SNHG17: variants seen among roughly 807,000 people sequenced by gnomAD.
SNHG17 encodes the protein small nucleolar RNA host gene 17 (non-protein coding).
At chr20:38,426,259 C>G (rs1007879631) in intron 4 of SNHG17, among the ~76,000 whole-genome samples, 3 of 152,054 alleles carry the variant, frequency 2.0e-5, no homozygotes, top group Non-Finnish European at 4.4e-5. Context: ...AGTGGAGTCG[C>G]AGAGTTCGAG....
intron 3 of SNHG17, among the ~76,000 whole-genome samples, chr20:38,430,040 G>A (rs891019391): frequency 6.6e-6 from 1 of 152,242 alleles, no homozygotes; most frequent in East Asian, 1.9e-4. Context: ...GGGCTGGCCG[G>A]GTGCAGTGGC....
intron 3 of SNHG17, chr20:38,429,734 C>T (rs777876803): frequency 1.9e-6 from 1 of 514,966 alleles, no homozygotes; most frequent in South Asian, 1.4e-5. Context: ...GAAGTGCTCT[C>T]GGCAGTTCCT....
At chr20:38,432,027 C>T in intron 2 of SNHG17, 1 of 985,412 alleles carries the variant, frequency 1.0e-6, no homozygotes, top group Non-Finnish European at 1.2e-6. Flanking sequence ...TGCTTCCTGG[C>T]AGGGTGGAGA....
chr20:38,434,816 G>A (rs2084404356), intron 1 of SNHG17: 7 of 982,088 alleles, frequency 7.1e-6, no homozygotes, highest in Non-Finnish European at 7.3e-6. Context: ...TCTCAAGGAC[G>A]TGGCACAATG....
At chr20:38,426,995 T>TAC (rs765781057) in intron 3 of SNHG17, among the ~76,000 whole-genome samples, 23,721 of 125,452 alleles carry the variant, frequency 0.19, 2,450 homozygotes, top group African/African-American at 0.2. Flanking sequence ...AAGTTACACA[T>TAC]ACACACACAC....
At chr20:38,424,625 C>T (rs1465022886) in intron 5 of SNHG17, among the ~76,000 whole-genome samples, 1 of 152,190 alleles carries the variant, frequency 6.6e-6, no homozygotes, top group Non-Finnish European at 1.5e-5. Flanking sequence ...AGAGGCACTG[C>T]CCTGAGGAAG....
At position 38,432,013 on chromosome 20, in the gene SNHG17, C is replaced by T. The variant is rs1404153237; in HGVS notation, n.309-901G>A. The T allele has an allele frequency of 4.1e-6, 4 of 985,284 alleles. No homozygotes were observed. In the Admixed American group the frequency reaches 1.8e-4, roughly 45 times the overall value. The allele number at this position is 985,284 out of a possible 1,614,324, so 61.0% of individuals were successfully genotyped here. ...ACAGACCTCATAGAACACCATGGTC[C>T]ACCTGCTTCCTGGCAGGGTGGAGAT... On this transcript the variant is annotated intron_variant and non_coding_transcript_variant, in intron 2 of 8. Coordinates refer to ENST00000654008, the Ensembl canonical transcript of SNHG17.
intron 2 of SNHG17, chr20:38,433,933 G>T (rs763821724): frequency 1.9e-6 from 1 of 519,184 alleles, no homozygotes; most frequent in African/African-American, 1.9e-5. Context: ...CACTTTCCGC[G>T]ATTTCTCTCC....
chr20:38,429,570 G>A (rs2084305798), intron 3 of SNHG17: 1 of 371,490 alleles, frequency 2.7e-6, no homozygotes, highest in Non-Finnish European at 5.2e-6. Context: ...CTTCCCTCAT[G>A]TCTCACAATA....
At chr20:38,421,217 CA>C (rs1424652782) in intron 6 of SNHG17, 3 of 152,170 alleles carry the variant, frequency 2.0e-5, no homozygotes, top group Non-Finnish European at 4.4e-5. Context: ...TCACGCACAC[CA>C]AATAAAAAAT....
At chr20:38,434,646 G>C in intron 1 of SNHG17, 1 of 180,570 alleles carries the variant, frequency 5.5e-6, no homozygotes, top group Non-Finnish European at 1.1e-5. Context: ...GAAAAAGCAC[G>C]GGGAGGGGGC....
At chr20:38,424,888 C>T (rs1035312783) in intron 5 of SNHG17, among the ~76,000 whole-genome samples, 4 of 152,192 alleles carry the variant, frequency 2.6e-5, no homozygotes, top group Non-Finnish European at 5.9e-5. Context: ...ATGAACCATA[C>T]AGCACCAGTG....
chr20:38,434,260 G>T, intron 2 of SNHG17, among the ~76,000 whole-genome samples: 1 of 152,218 alleles, frequency 6.6e-6, no homozygotes, highest in East Asian at 1.9e-4. Flanking sequence ...AACAGCCAAG[G>T]CCTCTGCCCT....
intron 1 of SNHG17, chr20:38,434,684 C>A: frequency 3.8e-6 from 1 of 260,380 alleles, no homozygotes; most frequent in Non-Finnish European, 6.0e-6. Flanking sequence ...GGACAGAAGT[C>A]CAGACTCTGC....
chr20:38,434,126 A>T, intron 2 of SNHG17: 1 of 415,776 alleles, frequency 2.4e-6, no homozygotes, highest in Non-Finnish European at 4.7e-6. Flanking sequence ...GGCAGATTCC[A>T]TCTGTCCCCA....
chr20:38,435,086 C>T, intron 1 of SNHG17: 1 of 1,232,108 alleles, frequency 8.1e-7, no homozygotes. Context: ...GCAAAGAGGA[C>T]GAGACACTGC....
At position 38,422,984 on chromosome 20, in the gene SNHG17, C is replaced by T. The variant is rs192439330; in HGVS notation, n.580-743G>A. ...GCATGCACCTGTAACCCCAGCTACT[C>T]GGGAGGCTGAGGCAGGAGAATCACT... On this transcript the variant is annotated intron_variant and non_coding_transcript_variant, in intron 5 of 8. Coordinates refer to ENST00000654008, the Ensembl canonical transcript of SNHG17. 1.3e-4 allele frequency among the ~76,000 whole-genome samples: 20 copies of T among 151,678 alleles called. No individual in the cohort carries two copies. The East Asian group carries it at 3.3e-3, about 25-fold the overall frequency.
At chr20:38,432,980 G>GT (rs1430554017) in intron 2 of SNHG17, among the ~76,000 whole-genome samples, 3 of 151,892 alleles carry the variant, frequency 2.0e-5, no homozygotes, top group Non-Finnish European at 2.9e-5. Flanking sequence ...CCTGTTTTTT[G>GT]TTTTTTGTTA....
chr20:38,423,218 G>A (rs117331344), intron 5 of SNHG17, among the ~76,000 whole-genome samples: 2,809 of 151,258 alleles, frequency 0.019, 38 homozygotes, highest in South Asian at 0.059. Context: ...GCAACATCGC[G>A]AAACCCCATC....
Sources: gnomAD v4.1 joint callset for allele counts (sites outside exome capture counted in the v4.1 genomes callset) on GRCh38, gnomAD v4.1.1 for gene constraint, MANE v1.5 for transcripts, NCBI Gene and HGNC (gene_info 2026-07-23, HGNC 2026-07-21) for gene names.